HDAC9: variants seen among roughly 807,000 people sequenced by gnomAD.
The protein encoded by HDAC9 is histone deacetylase 9, also known as MEF-2 interacting transcription repressor (MITR) protein.
A neutral mutation model predicts 139.4 loss-of-function variants in HDAC9; 41 were observed. That is an observed-to-expected ratio of 0.29 (90% confidence interval 0.23 to 0.38). HDAC9 has a LOEUF of 0.38. Among genes scored for constraint, HDAC9 ranks in the 10% least tolerant of loss-of-function variants. The pLI is 1.00. For synonymous variants in HDAC9, 517 were observed against 476.2 expected, an observed-to-expected ratio of 1.09 and a Z score of -1.12; for missense variants, 1,147 against 1,297.0, an observed-to-expected ratio of 0.88 and a Z score of 1.78.
intron 1 of HDAC9, among the ~76,000 whole-genome samples, chr7:18,398,505 T>C (rs945000752): frequency 3.3e-5 from 5 of 152,178 alleles, no homozygotes; most frequent in Non-Finnish European, 7.4e-5. Context: ...TTTTATAGCT[T>C]ACAACATTTG....
chr7:18,965,503 C>T (rs1220885137), intron 24 of HDAC9, among the ~76,000 whole-genome samples: 3 of 152,084 alleles, frequency 2.0e-5, no homozygotes, highest in Admixed American at 2.0e-4. Context: ...CACAAGGAGT[C>T]ATGTACAAGT....
At chr7:18,726,003 C>T (rs922127048) in intron 12 of HDAC9, among the ~76,000 whole-genome samples, 1 of 152,166 alleles carries the variant, frequency 6.6e-6, no homozygotes. Flanking sequence ...TAGAGCAAAA[C>T]AGAAGTAACA....
intron 2 of HDAC9, among the ~76,000 whole-genome samples, chr7:18,549,901 AT>A (rs1352190548): frequency 1.3e-5 from 2 of 150,162 alleles, no homozygotes; most frequent in Non-Finnish European, 3.0e-5. Context: ...CTTTTGCAGG[AT>A]TTTTTTTCTT....
chr7:18,302,094 A>C, intron 1 of HDAC9, among the ~76,000 whole-genome samples: 1 of 152,202 alleles, frequency 6.6e-6, no homozygotes, highest in East Asian at 1.9e-4. Context: ...TGATTTCCTT[A>C]AGTGAAAATT....
intron 1 of HDAC9, among the ~76,000 whole-genome samples, chr7:18,465,887 T>C (rs997874181): frequency 2.6e-4 from 39 of 152,220 alleles, no homozygotes; most frequent in Admixed American, 1.4e-3. Context: ...GATGTTATAT[T>C]AATTTTCTGT....
intron 16 of HDAC9, among the ~76,000 whole-genome samples, chr7:18,780,779 A>G (rs1791182743): frequency 1.3e-5 from 2 of 152,022 alleles, no homozygotes; most frequent in African/African-American, 2.4e-5. Flanking sequence ...TTAAGCATCT[A>G]TTATGTGTCA....
chr7:18,930,579 A>G (rs1463025148), intron 22 of HDAC9, among the ~76,000 whole-genome samples: 1 of 152,126 alleles, frequency 6.6e-6, no homozygotes, highest in Non-Finnish European at 1.5e-5. Context: ...TCTAATATGT[A>G]CAGTAACAGT....
At chr7:18,301,376 G>A (rs962497063) in intron 1 of HDAC9, among the ~76,000 whole-genome samples, 6 of 151,978 alleles carry the variant, frequency 3.9e-5, no homozygotes, top group South Asian at 2.1e-4. Context: ...CATTGTTGTC[G>A]TGTTTTTTAA....
intron 1 of HDAC9, among the ~76,000 whole-genome samples, chr7:18,104,690 C>A (rs905974419): frequency 6.6e-6 from 1 of 152,044 alleles, no homozygotes; most frequent in South Asian, 2.1e-4. Context: ...CCTCCTCTGC[C>A]TCTGCTCTCT....
chr7:18,273,902 C>T (rs905272244), intron 2 of HDAC9, among the ~76,000 whole-genome samples: 1 of 152,106 alleles, frequency 6.6e-6, no homozygotes, highest in Non-Finnish European at 1.5e-5. Context: ...ACGCATCTAT[C>T]ATATTGACAA....
chr7:18,438,150 C>T (rs905584820), intron 1 of HDAC9, among the ~76,000 whole-genome samples: 3 of 151,372 alleles, frequency 2.0e-5, no homozygotes, highest in Non-Finnish European at 4.4e-5. Flanking sequence ...TCTCACAAAT[C>T]AAACTGAATA....
intron 25 of HDAC9, among the ~76,000 whole-genome samples, chr7:18,989,046 G>A (rs1425323401): frequency 1.7e-5 from 2 of 119,530 alleles, no homozygotes; most frequent in South Asian, 2.9e-4. Context: ...TTTAATTGGA[G>A]CATTTAGTCC....
At chr7:18,149,852 C>T (rs1786638058) in intron 1 of HDAC9, among the ~76,000 whole-genome samples, 1 of 152,040 alleles carries the variant, frequency 6.6e-6, no homozygotes, top group African/African-American at 2.4e-5. Flanking sequence ...CTGCGCCCAG[C>T]CCAGTTTTTC....
At chr7:18,528,847 T>G (rs751659795) in intron 2 of HDAC9, among the ~76,000 whole-genome samples, 8 of 152,154 alleles carry the variant, frequency 5.3e-5, no homozygotes, top group Non-Finnish European at 1.0e-4. Context: ...CTTTCTAACT[T>G]TAACAATTTC....
At chr7:18,148,445 C>T (rs1252882191) in intron 1 of HDAC9, among the ~76,000 whole-genome samples, 1 of 152,002 alleles carries the variant, frequency 6.6e-6, no homozygotes, top group African/African-American at 2.4e-5. Context: ...TCTGCCTCTC[C>T]CTTCTACTTT....
chr7:18,490,045 C>A (rs919713936), intron 1 of HDAC9, among the ~76,000 whole-genome samples: 7 of 152,046 alleles, frequency 4.6e-5, no homozygotes, highest in African/African-American at 1.4e-4. Flanking sequence ...CTTACCTAGC[C>A]TTACCTAGTC....
intron 13 of HDAC9, among the ~76,000 whole-genome samples, chr7:18,744,575 C>T (rs1239159678): frequency 6.6e-6 from 1 of 151,956 alleles, no homozygotes; most frequent in African/African-American, 2.4e-5. Context: ...AATTTTAGTC[C>T]AAATGTTCTA....
chr7:18,219,278 C>G (rs1424606014), intron 2 of HDAC9, among the ~76,000 whole-genome samples: 1 of 151,998 alleles, frequency 6.6e-6, no homozygotes, highest in African/African-American at 2.4e-5. Context: ...TTATAGTTTG[C>G]TTTCTTTCAA....
At chr7:18,495,646 T>C (rs981573917), upstream of HDAC9, 24 of 708,290 alleles carry the variant, frequency 3.4e-5, no homozygotes, top group Non-Finnish European at 4.0e-5. Context: ...AGGCCGACCA[T>C]TGTTCTATTT....
Sources: gnomAD v4.1 joint callset for allele counts (sites outside exome capture counted in the v4.1 genomes callset) on GRCh38, gnomAD v4.1.1 for gene constraint, MANE v1.5 for transcripts, NCBI Gene and HGNC (gene_info 2026-07-23, HGNC 2026-07-21) for gene names.